PIK3CB: variants seen among roughly 807,000 people sequenced by gnomAD.
The protein encoded by PIK3CB is phosphatidylinositol 4,5-bisphosphate 3-kinase catalytic subunit beta isoform.
A neutral mutation model predicts 136.8 loss-of-function variants in PIK3CB; 39 were observed. That is an observed-to-expected ratio of 0.29 (90% CI 0.22 to 0.37). PIK3CB has a LOEUF of 0.37. PIK3CB is among the 10% of genes least tolerant of loss of function. The pLI, the probability that PIK3CB is intolerant of heterozygous loss-of-function variation, is 1.00. For missense variants in PIK3CB, 868 were observed against 1,275.4 expected (o/e 0.68, Z 4.87); for synonymous variants, 428 against 436.6 (o/e 0.98, Z 0.25).
intron 22 of PIK3CB, among the ~76,000 whole-genome samples, chr3:138,656,862 C>T (rs1339368371): frequency 1.3e-5 from 2 of 152,068 alleles, no homozygotes; most frequent in South Asian, 2.1e-4. Context: ...CTTCTGCCTC[C>T]CAGGTTCAAG....
rs1177409663 is a variant in PIK3CB, at chr3:138,693,967, TATATATATATATATATATATATATA to T, written c.1892+794_1892+818del. ...TATATATATATATATATATATATAT[TATATATATATATATATATATATATA>T]TTTTAAACCCATGACAAAAATTAAC... On this transcript the variant is annotated intron_variant, in intron 14 of 23. Coordinates refer to ENST00000674063, the MANE Select transcript of PIK3CB (RefSeq NM_006219.3). Among the ~76,000 whole-genome samples, 7 of 17,498 alleles carry T rather than the reference TATATATATATATATATATATATATA, an allele frequency of 4.0e-4. No homozygotes were observed. In the Admixed American group the frequency reaches 6.1e-3, roughly 15 times the overall value. 11.5% of individuals were successfully genotyped at this position (17,498 alleles called of 152,430 possible).
intron 21 of PIK3CB, 90 bp downstream of exon 21, chr3:138,663,816 A>G: frequency 7.5e-7 from 1 of 1,339,650 alleles, no homozygotes; most frequent in Non-Finnish European, 1.0e-6. Flanking sequence ...AAGAATCACA[A>G]AAGAATCTGG....
At chr3:138,795,694 G>A (rs2046101685) in intron 2 of PIK3CB, among the ~76,000 whole-genome samples, 1 of 152,096 alleles carries the variant, frequency 6.6e-6, no homozygotes, top group Admixed American at 6.6e-5. Flanking sequence ...CAGGATATAT[G>A]GTTACCCTAA....
At chr3:138,805,145 G>T (rs919111913) in intron 1 of PIK3CB, among the ~76,000 whole-genome samples, 6 of 151,682 alleles carry the variant, frequency 4.0e-5, no homozygotes, top group African/African-American at 1.2e-4. Context: ...GACCAGCCTG[G>T]CCAACGTGAC....
At chr3:138,784,008 T>A (rs1310875794) in intron 2 of PIK3CB, among the ~76,000 whole-genome samples, 1 of 152,150 alleles carries the variant, frequency 6.6e-6, no homozygotes, top group East Asian at 1.9e-4. Context: ...ATTTCATAGA[T>A]CGTTGCTTAT....
chr3:138,808,734 T>TTCTC (rs111932280), intron 1 of PIK3CB, among the ~76,000 whole-genome samples: 67 of 150,272 alleles, frequency 4.5e-4, no homozygotes, highest in African/African-American at 1.6e-3. Context: ...CTCTCTCCTT[T>TTCTC]TCTCTCTCTC....
chr3:138,712,569 ATT>A (rs112800043), intron 9 of PIK3CB, among the ~76,000 whole-genome samples: 16 of 141,538 alleles, frequency 1.1e-4, no homozygotes, highest in Admixed American at 2.9e-4. Context: ...TGTGAAAATG[ATT>A]TTTTTTTTTT....
chr3:138,664,304 T>C (rs1417750429), intron 20 of PIK3CB, among the ~76,000 whole-genome samples: 1 of 151,968 alleles, frequency 6.6e-6, no homozygotes, highest in Non-Finnish European at 1.5e-5. Context: ...AGTAGACTAA[T>C]GTTCACAGTA....
chr3:138,666,077 TATCA>T (rs2043404059), intron 19 of PIK3CB, among the ~76,000 whole-genome samples: 1 of 152,218 alleles, frequency 6.6e-6, no homozygotes, highest in East Asian at 1.9e-4. Context: ...AAAAATAGAT[TATCA>T]ATTAAATGTT....
At chr3:138,686,483 A>T (rs2043895954) in intron 16 of PIK3CB, among the ~76,000 whole-genome samples, 1 of 152,102 alleles carries the variant, frequency 6.6e-6, no homozygotes, top group Non-Finnish European at 1.5e-5. Context: ...AATAAAATTC[A>T]ACTTTATTAT....
At chr3:138,811,612 G>A (rs2108871820) in intron 1 of PIK3CB, among the ~76,000 whole-genome samples, 1 of 152,164 alleles carries the variant, frequency 6.6e-6, no homozygotes, top group East Asian at 1.9e-4. Flanking sequence ...TTTTAGTAGA[G>A]ACGGGGTCTC....
intron 1 of PIK3CB, among the ~76,000 whole-genome samples, chr3:138,819,071 G>T (rs1406996033): frequency 6.6e-6 from 1 of 152,128 alleles, no homozygotes; most frequent in Non-Finnish European, 1.5e-5. Context: ...CTACCGGGCC[G>T]GGCGCAGTGG....
chr3:138,819,356 A>AC (rs1360961098), intron 1 of PIK3CB, among the ~76,000 whole-genome samples: 3 of 152,172 alleles, frequency 2.0e-5, no homozygotes, highest in Admixed American at 6.6e-5. Flanking sequence ...CCAAAAAAAA[A>AC]AAAAAATCAC....
chr3:138,711,984 A>G (rs2044511671), intron 10 of PIK3CB, among the ~76,000 whole-genome samples: 1 of 151,798 alleles, frequency 6.6e-6, no homozygotes, highest in Non-Finnish European at 1.5e-5. Flanking sequence ...AATAAAATAT[A>G]GGCCGATTTT....
At chr3:138,768,669 C>T (rs1171012455) in intron 2 of PIK3CB, among the ~76,000 whole-genome samples, 9 of 152,184 alleles carry the variant, frequency 5.9e-5, no homozygotes, top group Non-Finnish European at 1.2e-4. Context: ...TACAGGTCAG[C>T]GCCAAGCTGC....
At chr3:138,779,053 T>G (rs2045892817) in intron 2 of PIK3CB, among the ~76,000 whole-genome samples, 1 of 150,536 alleles carries the variant, frequency 6.6e-6, no homozygotes, top group African/African-American at 2.4e-5. Context: ...AACACACACA[T>G]TTTCCAAATA....
intron 2 of PIK3CB, among the ~76,000 whole-genome samples, chr3:138,786,144 TC>T (rs1181709958): frequency 2.0e-5 from 3 of 152,132 alleles, no homozygotes; most frequent in Admixed American, 2.0e-4. Context: ...TTCCTCATTT[TC>T]CCCAGTTCTC....
At chr3:138,693,968 ATATATATATATAT>A (rs2044076943) in intron 14 of PIK3CB, among the ~76,000 whole-genome samples, 1 of 59,058 alleles carries the variant, frequency 1.7e-5, no homozygotes, top group African/African-American at 1.1e-4. Context: ...TATATATATT[ATATATATATATAT>A]ATATATATAT....
chr3:138,822,540 A>G (rs1386244988), intron 1 of PIK3CB, among the ~76,000 whole-genome samples: 1 of 151,922 alleles, frequency 6.6e-6, no homozygotes, highest in African/African-American at 2.4e-5. Flanking sequence ...CGTCTCAAAA[A>G]TAAAAGAAAA....
Sources: gnomAD v4.1 joint callset for allele counts (sites outside exome capture counted in the v4.1 genomes callset) on GRCh38, gnomAD v4.1.1 for gene constraint, MANE v1.5 for transcripts, NCBI Gene and HGNC (gene_info 2026-07-23, HGNC 2026-07-21) for gene names.